The following ATP2B1 variants were observed in gnomAD, a reference collection of about 807,000 sequenced individuals.
ATP2B1 encodes plasma membrane calcium-transporting ATPase 1.
ATP2B1 carries 14 observed loss-of-function variants against 124.2 expected under a neutral mutation model. The ratio of observed to expected loss-of-function variants is 0.11; its 90% confidence interval spans 0.07 to 0.18. ATP2B1 has a LOEUF of 0.18. Ranked by LOEUF, ATP2B1 falls within the 10% of genes least tolerant of loss-of-function variation. ATP2B1 has a pLI of 1.00. For missense variants in ATP2B1, 763 were observed against 1,466.1 expected (o/e 0.52, Z 7.83); for synonymous variants, 449 against 492.4 (o/e 0.91, Z 1.17).
At chr12:89,616,702 C>T (rs1879036184) in intron 12 of ATP2B1, 100 bp downstream of exon 12, 1 of 1,164,728 alleles carries the variant, frequency 8.6e-7, no homozygotes, top group Non-Finnish European at 1.2e-6. Context: ...AAAAAAATCA[C>T]AAACACCAAG....
chr12:89,696,223 C>G (rs1167555573), intron 1 of ATP2B1, among the ~76,000 whole-genome samples: 1 of 152,146 alleles, frequency 6.6e-6, no homozygotes, highest in African/African-American at 2.4e-5. Context: ...ACTATAGACA[C>G]AGCAAGAAAA....
chr12:89,693,753 A>T (rs1890809055), intron 1 of ATP2B1, among the ~76,000 whole-genome samples: 1 of 152,210 alleles, frequency 6.6e-6, no homozygotes, highest in Non-Finnish European at 1.5e-5. Context: ...AATGTATTTA[A>T]AATATGAATA....
At chr12:89,681,679 T>C (rs1185162810) in intron 1 of ATP2B1, among the ~76,000 whole-genome samples, 1 of 152,090 alleles carries the variant, frequency 6.6e-6, no homozygotes, top group Non-Finnish European at 1.5e-5. Flanking sequence ...CCAAATGGCA[T>C]GAAGAAAAAA....
intron 1 of ATP2B1, among the ~76,000 whole-genome samples, chr12:89,699,117 G>A (rs549387939): frequency 6.6e-6 from 1 of 152,250 alleles, no homozygotes; most frequent in Non-Finnish European, 1.5e-5. Flanking sequence ...CCAGCTTTGA[G>A]CTCTCAGGGA....
At chr12:89,658,639 G>GAGAGAGAGAGAGAT (rs1565882720) in intron 1 of ATP2B1, among the ~76,000 whole-genome samples, 24 of 150,772 alleles carry the variant, frequency 1.6e-4, no homozygotes, top group African/African-American at 4.7e-4. Context: ...GAGAGAGAGA[G>GAGAGAGAGAGAGAT]AGAGAGAGAT....
At position 89,659,921 on chromosome 12, in the gene ATP2B1, AAAAAAAAAAC is replaced by A. The variant is rs1177829044; in HGVS notation, c.-221-3824_-221-3815del. Among the ~76,000 whole-genome samples, 316 of 150,856 alleles carry A rather than the reference AAAAAAAAAAC, an allele frequency of 2.1e-3. 1 individual carries two copies. The highest frequency in any genetic ancestry group is 6.8e-3 in the African/African-American group (279 of 41,044). ...CTGGGGACAAAGCGAGACTCAAAAA[AAAAAAAAAAC>A]AAAAAAAAACAAAAAAGAAGAGAAA... On this transcript the variant is annotated intron_variant, in intron 1 of 20. Transcript: ENST00000428670.
chr12:89,623,290 T>C (rs1416011387), intron 9 of ATP2B1, among the ~76,000 whole-genome samples: 1 of 151,928 alleles, frequency 6.6e-6, no homozygotes, highest in African/African-American at 2.4e-5. Flanking sequence ...CTTTGTTTGG[T>C]TATAATTTTT....
At chr12:89,658,901 C>T (rs975424178) in intron 1 of ATP2B1, among the ~76,000 whole-genome samples, 2 of 152,116 alleles carry the variant, frequency 1.3e-5, no homozygotes, top group African/African-American at 4.8e-5. Context: ...GCAAATGAGC[C>T]ACTTTCCCAA....
chr12:89,627,859 A>G, intron 6 of ATP2B1, 143 bp from the exon 7 acceptor site: 1 of 878,398 alleles, frequency 1.1e-6, no homozygotes, highest in Non-Finnish European at 1.8e-6. Flanking sequence ...TTGACTTGTG[A>G]TGACCTGCTG....
chr12:89,683,524 C>T lies in ATP2B1; in HGVS notation c.-222+25072G>A, dbSNP rs117787253. On this transcript the variant is annotated intron_variant, in intron 1 of 20. Transcript: ENST00000428670. ...TGACAGTCTAAACTGAGCCCAATAT[C>T]AGCAGTCATCCCAGCCTAGGCACCA... 2.1e-3 allele frequency among the ~76,000 whole-genome samples: 314 copies of T among 152,336 alleles called. 3 individuals are homozygous for T. Among genetic ancestry groups the T allele is most frequent in the Non-Finnish European group, 3.8e-3 (258 of 68,042 alleles).
chr12:89,594,344 A>G (rs528737813), intron 20 of ATP2B1: 2 of 152,140 alleles, frequency 1.3e-5, no homozygotes, highest in East Asian at 3.9e-4. Context: ...TTTGTGCACA[A>G]TACTTTAGGT....
intron 11 of ATP2B1, among the ~76,000 whole-genome samples, chr12:89,619,051 T>C (rs563801779): frequency 1.3e-5 from 2 of 152,184 alleles, no homozygotes; most frequent in African/African-American, 4.8e-5. Flanking sequence ...CCACCTTTAA[T>C]AACAAATAAA....
In ATP2B1 at chr12:89,669,149, T is replaced by C. The variant is rs143567804; in HGVS notation, c.-221-13042A>G. ...TTCTTGTGTACATTTCTTGTGTACATTTTCAGCTTACAGTTTAATCTTTCT... is the reference window on the plus strand; with the variant it reads ...TTCTTGTGTACATTTCTTGTGTACACTTTCAGCTTACAGTTTAATCTTTCT... On this transcript the variant is annotated intron_variant, in intron 1 of 20. Coordinates refer to ENST00000428670, the MANE Select transcript of ATP2B1 (RefSeq NM_001366521.1). 1.5e-3 allele frequency among the ~76,000 whole-genome samples: 227 copies of C among 152,248 alleles called. 1 individual carries two copies. Among genetic ancestry groups the C allele is most frequent in the African/African-American group, 5.2e-3 (216 of 41,566 alleles).
At chr12:89,655,370 A>C (rs1210186677) in intron 2 of ATP2B1, among the ~76,000 whole-genome samples, 1 of 152,210 alleles carries the variant, frequency 6.6e-6, no homozygotes, top group African/African-American at 2.4e-5. Context: ...GAGGCATCCA[A>C]GCCTGGTTCC....
chr12:89,619,354 G>A (rs1467821813), intron 11 of ATP2B1, among the ~76,000 whole-genome samples: 4 of 152,144 alleles, frequency 2.6e-5, no homozygotes, highest in African/African-American at 4.8e-5. Flanking sequence ...ACTCACGTCT[G>A]TAATCCCAGC....
chr12:89,606,540 C>T (rs541173166), intron 15 of ATP2B1, among the ~76,000 whole-genome samples: 6 of 151,530 alleles, frequency 4.0e-5, no homozygotes, highest in Non-Finnish European at 8.8e-5. Context: ...GTCTCCAGCT[C>T]CCAATGTGAA....
chr12:89,671,773 T>TTTG (rs1405967009), intron 1 of ATP2B1, among the ~76,000 whole-genome samples: 1 of 149,496 alleles, frequency 6.7e-6, no homozygotes, highest in East Asian at 1.9e-4. Context: ...CCAAGGCAGT[T>TTTG]TTTTTTTTTT....
At chr12:89,644,627 T>C (rs991207309) in intron 2 of ATP2B1, among the ~76,000 whole-genome samples, 6 of 151,944 alleles carry the variant, frequency 3.9e-5, no homozygotes, top group African/African-American at 1.5e-4. Context: ...AAGGCAGCAA[T>C]GGACTGCAGT....
intron 10 of ATP2B1, among the ~76,000 whole-genome samples, chr12:89,620,865 T>C (rs1399454747): frequency 6.6e-6 from 1 of 152,146 alleles, no homozygotes; most frequent in Non-Finnish European, 1.5e-5. Context: ...AGAACCAAGA[T>C]CCCATAACTT....
Sources: allele counts gnomAD v4.1 joint callset (sites outside exome capture counted in the v4.1 genomes callset), GRCh38; gene constraint gnomAD v4.1.1; transcripts MANE v1.5; gene names NCBI Gene and HGNC (gene_info 2026-07-23, HGNC 2026-07-21).